Variants in HYDIN observed in about 807,000 individuals in gnomAD.
HYDIN encodes HYDIN axonemal central pair apparatus protein, also known as axonemal central pair apparatus protein HYDIN.
In HYDIN, 132 loss-of-function variants were observed where a neutral mutation model predicts 403.9. That is an observed-to-expected ratio of 0.33 (90% CI 0.28 to 0.38). HYDIN has a LOEUF of 0.38. HYDIN is among the 10% of genes least tolerant of loss of function. The probability of loss-of-function intolerance (pLI) is 1.00; values close to 1 mark genes in which losing one functional copy is unlikely to be tolerated. For missense variants in HYDIN, 2,827 were observed against 5,009.5 expected, an observed-to-expected ratio of 0.56 and a Z score of 13.15; for synonymous variants, 1,202 against 1,891.7, an observed-to-expected ratio of 0.64 and a Z score of 9.46.
chr16:70,899,884 A>G (rs1348576747), intron 53 of HYDIN, among the ~76,000 whole-genome samples: 1 of 151,590 alleles, frequency 6.6e-6, no homozygotes, highest in East Asian at 1.9e-4. Flanking sequence ...GAGCCAAGAA[A>G]CAGCCAAGAC....
intron 18 of HYDIN, among the ~76,000 whole-genome samples, chr16:71,035,955 C>T (rs1260010417): frequency 6.6e-6 from 1 of 150,662 alleles, no homozygotes; most frequent in African/African-American, 2.4e-5. Flanking sequence ...CTGGCCAGAA[C>T]TGAGTCAATG....
At position 71,175,684 on chromosome 16, in the gene HYDIN, G is replaced by A. The variant is rs2086643937; in HGVS notation, c.439C>T (p.Pro147Ser). Residue 147 changes from proline to serine, a missense_variant, in exon 5 of 86, where the codon CCC becomes TCC. Physicochemically the swap from Pro to Ser is moderately conservative, Grantham distance 74. Coordinates refer to ENST00000393567, the MANE Select transcript of HYDIN (RefSeq NM_001270974.2). ...ESSPYFKVISPKDIGHKVAPG... is the reference protein window; with the variant it reads ...ESSPYFKVISSKDIGHKVAPG... ...GCCACTTTGTGGCCAATATCTTTGG[G>A]GCTGATTACTTTAAAGTAAGGCGAA... 4 of 1,614,108 alleles carry A rather than the reference G, an allele frequency of 2.5e-6. No homozygotes were observed. In the East Asian group the frequency reaches 8.9e-5, roughly 36 times the overall value.
At chr16:71,143,522 CAAAGA>C (rs2085248294) in intron 7 of HYDIN, among the ~76,000 whole-genome samples, 1 of 151,976 alleles carries the variant, frequency 6.6e-6, no homozygotes, top group South Asian at 2.1e-4. Context: ...GAATAAGAAA[CAAAGA>C]AAAGAAAACA....
At chr16:71,008,643 G>C (rs1418957245) in intron 23 of HYDIN, among the ~76,000 whole-genome samples, 3 of 147,566 alleles carry the variant, frequency 2.0e-5, no homozygotes, top group African/African-American at 5.0e-5. Context: ...TGTACCGATG[G>C]TCTTACTCTA....
At chr16:71,090,520 G>C (rs948606949) in intron 11 of HYDIN, 12 of 152,266 alleles carry the variant, frequency 7.9e-5, no homozygotes, top group African/African-American at 2.9e-4. Context: ...TTTTTTAAGA[G>C]ACAGGGTCTG....
chr16:71,186,836 C>T lies in HYDIN; in HGVS notation c.60G>A (p.Met20Ile). Residue 20 changes from methionine to isoleucine, a missense_variant, in exon 2 of 86, where the codon ATG becomes ATA. Transcript: ENST00000393567. ...MGAVQMGLVN[M>I]FKGFQSKVLP... is the part of the protein sequence containing the mutation. ...AAACCTTGCTTTGAAATCCTTTGAA[C>T]ATATTGACCAATCCCATCTGAACAG... is the stretch of plus-strand genomic sequence containing the variant. 6.2e-7 allele frequency: 1 copy of T among 1,613,260 alleles called. No individual in the cohort carries two copies. Among genetic ancestry groups the T allele is most frequent in the African/African-American group, 1.3e-5 (1 of 75,004 alleles).
intron 58 of HYDIN, among the ~76,000 whole-genome samples, chr16:70,885,051 T>C (rs1450583457): frequency 2.0e-5 from 3 of 152,120 alleles, no homozygotes; most frequent in Non-Finnish European, 4.4e-5. Flanking sequence ...GGACCAGCTG[T>C]CCATGAATAT....
rs545982278 is a variant in HYDIN at position 71,000,734 on chromosome 16, C to T, written c.3645-8524G>A. Among the ~76,000 whole-genome samples the T allele has an allele frequency of 2.8e-3, 421 of 151,548 alleles. 2 individuals are homozygous for T. The highest frequency in any genetic ancestry group is 3.6e-3 in the Non-Finnish European group (242 of 67,924). On this transcript the variant is annotated intron_variant, in intron 23 of 85. Coordinates refer to ENST00000393567, the MANE Select transcript of HYDIN (RefSeq NM_001270974.2). ...TTAGCCTCAGTGGGTAATTTGACCC[C>T]CCGGTCAGATAAATTAGCTGACCCA...
chr16:70,984,010 C>G (rs1407193874), intron 28 of HYDIN, among the ~76,000 whole-genome samples: 1 of 152,138 alleles, frequency 6.6e-6, no homozygotes, highest in Non-Finnish European at 1.5e-5. Context: ...TCATTATTAA[C>G]TAAGAAAAAC....
intron 67 of HYDIN, 38 bp downstream of exon 67, chr16:70,866,131 C>G (rs1233344118): frequency 1.9e-6 from 3 of 1,582,550 alleles, no homozygotes; most frequent in Non-Finnish European, 1.7e-6. Context: ...AATGAAAGAG[C>G]TTTTCCATCT....
intron 35 of HYDIN, among the ~76,000 whole-genome samples, chr16:70,971,114 A>G (rs1441468098): frequency 6.6e-6 from 1 of 152,216 alleles, no homozygotes; most frequent in South Asian, 2.1e-4. Context: ...CTGGGCCTGA[A>G]GGTTCTCATT....
chr16:71,225,573 G>C (rs2040998199), intron 1 of HYDIN, among the ~76,000 whole-genome samples: 1 of 152,236 alleles, frequency 6.6e-6, no homozygotes, highest in African/African-American at 2.4e-5. Context: ...TCCCTTGTGG[G>C]GAATCTCCTG....
At chr16:71,228,634 C>T (rs1233512164) in intron 1 of HYDIN, among the ~76,000 whole-genome samples, 5 of 151,886 alleles carry the variant, frequency 3.3e-5, no homozygotes, top group East Asian at 1.9e-4. Context: ...GTTAGAATGG[C>T]GATTAAAAAG....
At chr16:71,066,296 A>T (rs1349435413) in intron 15 of HYDIN, among the ~76,000 whole-genome samples, 1 of 152,154 alleles carries the variant, frequency 6.6e-6, no homozygotes, top group African/African-American at 2.4e-5. Context: ...TCTTGAAGGA[A>T]TACTAAGTAG....
intron 83 of HYDIN, among the ~76,000 whole-genome samples, chr16:70,823,747 C>G (rs1408214992): frequency 6.6e-6 from 1 of 151,552 alleles, no homozygotes; most frequent in African/African-American, 2.4e-5. Context: ...AGGGAACGCT[C>G]ATGCTGTCTT....
intron 1 of HYDIN, among the ~76,000 whole-genome samples, chr16:71,201,394 T>A (rs2088001195): frequency 6.6e-6 from 1 of 152,178 alleles, no homozygotes; most frequent in African/African-American, 2.4e-5. Context: ...CAGATATTTA[T>A]TGGTTTTTAC....
chr16:71,139,000 C>T (rs759260891), intron 7 of HYDIN, among the ~76,000 whole-genome samples: 2 of 150,694 alleles, frequency 1.3e-5, no homozygotes, highest in Non-Finnish European at 2.9e-5. Context: ...AGGAGAATCA[C>T]TTGAACCCGG....
intron 58 of HYDIN, 90 bp from the exon 59 acceptor site, chr16:70,884,214 G>A: frequency 8.3e-7 from 1 of 1,211,562 alleles, no homozygotes; most frequent in South Asian, 1.4e-5. Flanking sequence ...GTGGAGAGGG[G>A]GAGGGACACG....
At chr16:70,816,039 G>A (rs1431920260) in intron 84 of HYDIN, among the ~76,000 whole-genome samples, 1 of 151,984 alleles carries the variant, frequency 6.6e-6, no homozygotes, top group Non-Finnish European at 1.5e-5. Context: ...AACCTGGGAG[G>A]CAGAGGCTGC....
Sources: gnomAD v4.1 joint callset for allele counts (sites outside exome capture counted in the v4.1 genomes callset) on GRCh38, gnomAD v4.1.1 for gene constraint, MANE v1.5 for transcripts, NCBI Gene and HGNC (gene_info 2026-07-23, HGNC 2026-07-21) for gene names.